Variants in CCDC57 observed in about 807,000 individuals in gnomAD.
CCDC57 encodes the protein coiled-coil domain containing 57, also known as coiled-coil domain-containing protein 57.
CCDC57 carries 118 observed loss-of-function variants against 118.9 expected under a neutral mutation model. That is an observed-to-expected ratio of 0.99 (90% CI 0.86 to 1.16). The LOEUF is 1.16. Among genes scored for constraint, CCDC57 ranks in the 50% most tolerant of loss-of-function variants. CCDC57 has a pLI of 0.00. For missense variants in CCDC57, 1,300 were observed against 1,320.7 expected (o/e 0.98, Z 0.24); for synonymous variants, 527 against 532.9 (o/e 0.99, Z 0.15).
intron 16 of CCDC57, among the ~76,000 whole-genome samples, chr17:82,136,524 C>CTGTATACTT (rs1219506289): frequency 6.7e-6 from 1 of 148,854 alleles, no homozygotes; most frequent in Non-Finnish European, 1.5e-5. Flanking sequence ...ATGCACTGAA[C>CTGTATACTT]TGTATACTTT....
intron 4 of CCDC57, 48 bp downstream of exon 3, chr17:82,198,265 TG>T: frequency 9.2e-7 from 1 of 1,092,528 alleles, no homozygotes; most frequent in Non-Finnish European, 1.4e-6. Context: ...AGTTTCACAG[TG>T]GGCAGGCAGG....
At chr17:82,195,451 G>T in intron 4 of CCDC57, 87 bp from the exon 4 acceptor site, 1 of 991,056 alleles carries the variant, frequency 1.0e-6, no homozygotes, top group Non-Finnish European at 1.6e-6. Flanking sequence ...ATCCAGAGGT[G>T]AGCAGGACAC....
chr17:82,201,436 G>T lies in CCDC57; in HGVS notation c.407+102C>A, dbSNP rs1410564157. On this transcript the variant is annotated intron_variant, in intron 3 of 19. Transcript: ENST00000665763. ...GCCTGGAATCAGCAGCGGGAGGAGGGGCAGTGAGAGTGGGCAGTGCTCGGG... is the reference window on the plus strand; with the variant it reads ...GCCTGGAATCAGCAGCGGGAGGAGGTGCAGTGAGAGTGGGCAGTGCTCGGG... The T allele has an allele frequency of 3.0e-6, 4 of 1,350,930 alleles. No individual in the cohort carries two copies. The Admixed American group carries it at 8.1e-5, about 27-fold the overall frequency. The allele number at this position is 1,350,930 out of a possible 1,614,324, so 83.7% of individuals were successfully genotyped here. A position where few individuals can be genotyped will look rare whatever the true frequency, so the allele number is the denominator to read the frequency against.
intron 16 of CCDC57, among the ~76,000 whole-genome samples, chr17:82,149,938 C>T (rs9901808): frequency 0.44 from 60,080 of 136,690 alleles, 13,641 homozygotes; most frequent in East Asian, 0.85. Context: ...CAGAACCTGG[C>T]GCACATCCAG....
At chr17:82,187,188 G>A (rs1400470999) in intron 8 of CCDC57, among the ~76,000 whole-genome samples, 1 of 128,458 alleles carries the variant, frequency 7.8e-6, no homozygotes, top group African/African-American at 3.0e-5. Context: ...GGTGAGCTAA[G>A]ATTGCACCAC....
intron 8 of CCDC57, among the ~76,000 whole-genome samples, chr17:82,186,630 T>C (rs2046957840): frequency 6.6e-6 from 1 of 152,096 alleles, no homozygotes; most frequent in East Asian, 1.9e-4. Flanking sequence ...CATTTCCCCC[T>C]TAAACAGAAA....
intron 15 of CCDC57, chr17:82,152,183 C>T (rs1477349989): frequency 9.5e-6 from 2 of 210,092 alleles, no homozygotes; most frequent in Admixed American, 1.1e-4. Flanking sequence ...CAGCAGTGCC[C>T]AGGACCCAGG....
intron 16 of CCDC57, among the ~76,000 whole-genome samples, chr17:82,140,475 C>G (rs1386539113): frequency 6.6e-6 from 1 of 152,232 alleles, no homozygotes; most frequent in East Asian, 1.9e-4. Context: ...TCGGCCTCAG[C>G]CTCCCAAAGT....
Position 82,165,763 on chromosome 17 carries a change from C to A in CCDC57, c.1883-2406G>T, listed in dbSNP as rs1483601175. On this transcript the variant is annotated intron_variant, in intron 13 of 19. Coordinates refer to ENST00000665763, the Ensembl canonical transcript of CCDC57. The stretch of plus-strand genomic sequence containing the variant: ...CAAAACCTCTGACAACCGGGCCTGG[C>A]GGGGGACACTGCCCAGGATTTAACT... Among the ~76,000 whole-genome samples, 12 of 152,090 alleles carry A rather than the reference C, an allele frequency of 7.9e-5. No homozygotes were observed. In the East Asian group the frequency reaches 2.3e-3, roughly 29 times the overall value.
At chr17:82,148,377 G>A (rs1256221736) in intron 16 of CCDC57, among the ~76,000 whole-genome samples, 30 of 6,880 alleles carry the variant, frequency 4.4e-3, no homozygotes, top group Non-Finnish European at 5.5e-3. Flanking sequence ...GGATGGGTGG[G>A]TGGGTGAATG....
intron 2 of CCDC57, among the ~76,000 whole-genome samples, chr17:82,203,718 C>T (rs1421529208): frequency 6.6e-6 from 1 of 152,196 alleles, no homozygotes; most frequent in Non-Finnish European, 1.5e-5. Flanking sequence ...ACACAGAAAT[C>T]CCCCACAACT....
intron 16 of CCDC57, among the ~76,000 whole-genome samples, chr17:82,140,604 T>A (rs543268409): frequency 4.6e-5 from 7 of 152,334 alleles, no homozygotes; most frequent in African/African-American, 1.4e-4. Flanking sequence ...ATATAGTTAT[T>A]TGCATAGTTT....
chr17:82,140,134 G>T (rs911669991), intron 16 of CCDC57, among the ~76,000 whole-genome samples: 8 of 152,082 alleles, frequency 5.3e-5, no homozygotes, highest in African/African-American at 1.9e-4. Context: ...TGTCCAGGCT[G>T]GAGTGCAGCA....
chr17:82,127,147 C>A (rs918211738), intron 19 of CCDC57: 6 of 985,304 alleles, frequency 6.1e-6, no homozygotes, highest in African/African-American at 1.7e-5. Flanking sequence ...GACTTAGGTG[C>A]AGAGAAGAGT....
At chr17:82,128,358 G>T in intron 18 of CCDC57, 135 bp downstream of exon 17, 1 of 646,158 alleles carries the variant, frequency 1.5e-6, no homozygotes, top group Non-Finnish European at 2.6e-6. Context: ...GCCATTGTGA[G>T]CAGTCCCTGA....
chr17:82,134,317 C>T (rs907608814), intron 16 of CCDC57, 123 bp from the exon 16 acceptor site: 14 of 1,000,530 alleles, frequency 1.4e-5, no homozygotes, highest in Non-Finnish European at 1.7e-5. Flanking sequence ...ACTTCCATTA[C>T]ATCGAGAACT....
At chr17:82,105,457 G>C (rs1452396275) in intron 19 of CCDC57, among the ~76,000 whole-genome samples, 1 of 152,166 alleles carries the variant, frequency 6.6e-6, no homozygotes, top group Non-Finnish European at 1.5e-5. Context: ...CGGTGACAGT[G>C]AATGTGACTT....
chr17:82,127,918 A>ACATCAT lies in CCDC57; in HGVS notation c.2683-16_2683-11dup. On this transcript the variant is annotated splice_polypyrimidine_tract_variant and intron_variant, in intron 18 of 19. Coordinates refer to ENST00000665763, the Ensembl canonical transcript of CCDC57. ...GGATGCTGTGTTGTGTCTAGAAAAG[A>ACATCAT]CATCATCGTCTTGAAAGCCACCCTC... The ACATCAT allele has an allele frequency of 6.2e-7, 1 of 1,610,968 alleles. No homozygotes were observed. Among genetic ancestry groups the ACATCAT allele is most frequent in the Non-Finnish European group, 8.5e-7 (1 of 1,178,910 alleles).
intron 16 of CCDC57, among the ~76,000 whole-genome samples, chr17:82,147,501 G>T (rs1428805290): frequency 6.7e-6 from 1 of 150,118 alleles, no homozygotes; most frequent in Admixed American, 6.6e-5. Context: ...GAGTGTGTGG[G>T]TAGGTGGATG....
Sources: allele counts gnomAD v4.1 joint callset (sites outside exome capture counted in the v4.1 genomes callset), GRCh38; gene constraint gnomAD v4.1.1; transcripts MANE v1.5; gene names NCBI Gene and HGNC (gene_info 2026-07-23, HGNC 2026-07-21).